Variants in AGAP1 observed in about 807,000 individuals in gnomAD.
The protein encoded by AGAP1 is arf-GAP with GTPase, ANK repeat and PH domain-containing protein 1.
In AGAP1, 29 loss-of-function variants were observed where a neutral mutation model predicts 105.3. The observed-to-expected ratio is 0.28, with a 90% CI of 0.21 to 0.38. AGAP1 has a LOEUF of 0.38. Ranked by LOEUF, AGAP1 falls within the 10% of genes least tolerant of loss-of-function variation. The pLI, the probability that AGAP1 is intolerant of heterozygous loss-of-function variation, is 1.00. For synonymous variants in AGAP1, 509 were observed against 485.9 expected (o/e 1.05, Z -0.63); for missense variants, 998 against 1,165.1 (o/e 0.86, Z 2.09).
chr2:235,569,745 T>C lies in AGAP1; in HGVS notation c.163+74896T>C, dbSNP rs374737899. Among the ~76,000 whole-genome samples the C allele has an allele frequency of 9.8e-5, 15 of 152,328 alleles. No homozygotes were observed. The South Asian group carries it at 3.1e-3, about 32-fold the overall frequency. ...CTCACAGGAGATGCAGGTCTTTCTATGGAACCTGTAGGTTCTGAGACCGAG... is the reference window on the plus strand; with the variant it reads ...CTCACAGGAGATGCAGGTCTTTCTACGGAACCTGTAGGTTCTGAGACCGAG... On this transcript the variant is annotated intron_variant, in intron 1 of 17. Transcript: ENST00000304032. The surrounding 1 kb of genome is among the most constrained non-coding windows in gnomAD (Gnocchi z 5.9).
intron 16 of AGAP1, among the ~76,000 whole-genome samples, chr2:236,093,060 T>C (rs2059104353): frequency 6.6e-6 from 1 of 152,150 alleles, no homozygotes; most frequent in Non-Finnish European, 1.5e-5. Flanking sequence ...AGAAAGGCAG[T>C]GGGGGAGAAG....
intron 1 of AGAP1, among the ~76,000 whole-genome samples, chr2:235,634,075 C>T (rs1946915258): frequency 6.6e-6 from 1 of 152,118 alleles, no homozygotes. Flanking sequence ...CTTGGGTGGG[C>T]GGGGCCCACA....
chr2:235,598,622 A>G (rs967761249), intron 1 of AGAP1, among the ~76,000 whole-genome samples: 1 of 152,230 alleles, frequency 6.6e-6, no homozygotes, highest in Non-Finnish European at 1.5e-5. Context: ...ATTCAAGTAT[A>G]AACTCAGAAT....
chr2:235,649,532 C>G (rs935774957), intron 1 of AGAP1, among the ~76,000 whole-genome samples: 3 of 152,142 alleles, frequency 2.0e-5, no homozygotes, highest in African/African-American at 7.2e-5. Context: ...CATCTCTACA[C>G]TCAGCACATT....
At chr2:235,503,344 T>G (rs1941647153) in intron 1 of AGAP1, among the ~76,000 whole-genome samples, 1 of 152,152 alleles carries the variant, frequency 6.6e-6, no homozygotes, top group Non-Finnish European at 1.5e-5. Flanking sequence ...TTCGAAGGTC[T>G]GGGGTGCTGC....
In AGAP1 at chr2:235,725,244, G is replaced by C. The variant is rs1951587847; in HGVS notation, c.310+7600G>C. Among the ~76,000 whole-genome samples, 1 of 152,166 alleles carries C rather than the reference G, an allele frequency of 6.6e-6. No homozygotes were observed. Among genetic ancestry groups the C allele is most frequent in the African/African-American group, 2.4e-5 (1 of 41,446 alleles). ...TCAGGACTGCCTAGAATTGTTTCCT[G>C]TCATCGGGGTAGTAAATGTGTTCTC... is the stretch of plus-strand genomic sequence containing the variant. On this transcript the variant is annotated intron_variant, in intron 3 of 17. Transcript: ENST00000304032. The surrounding 1 kb of genome is among the most constrained non-coding windows in gnomAD (Gnocchi z 5.7).
intron 13 of AGAP1, among the ~76,000 whole-genome samples, chr2:236,017,622 A>C (rs2125587440): frequency 6.6e-6 from 1 of 152,322 alleles, no homozygotes; most frequent in South Asian, 2.1e-4. Flanking sequence ...TTCAGGAATA[A>C]GAGGAGACCA....
rs2057382251 is a variant in AGAP1, at chr2:236,036,386, G to T, written c.1646-175G>T. On this transcript the variant is annotated intron_variant, in intron 13 of 17. Coordinates refer to ENST00000304032, the MANE Select transcript of AGAP1 (RefSeq NM_001037131.3). This position sits in a 1 kb window ranked among gnomAD's most constrained non-coding sequence, Gnocchi z 5.7. Reference sequence around the variant, plus strand: ...ATGCTGGCCTTAGGAACCACATCTGGACTGTTGGGAGGTGCATGGATTCAA... The same window carrying T: ...ATGCTGGCCTTAGGAACCACATCTGTACTGTTGGGAGGTGCATGGATTCAA... 6.6e-6 allele frequency among the ~76,000 whole-genome samples: 1 copy of T among 152,164 alleles called. No individual in the cohort carries two copies. Among genetic ancestry groups the T allele is most frequent in the South Asian group, 2.1e-4 (1 of 4,824 alleles).
intron 8 of AGAP1, 53 bp from the exon 9 acceptor site, chr2:235,807,186 C>CGGGG: frequency 6.4e-7 from 1 of 1,553,766 alleles, no homozygotes. Flanking sequence ...GGCAGAGCCC[C>CGGGG]GTCTGTGAAC....
intron 1 of AGAP1, among the ~76,000 whole-genome samples, chr2:235,520,780 G>C (rs1325415753): frequency 1.3e-5 from 2 of 152,114 alleles, no homozygotes; most frequent in African/African-American, 4.8e-5. Flanking sequence ...ACAAGTTTTG[G>C]TTTAGTAGAC....
intron 13 of AGAP1, among the ~76,000 whole-genome samples, chr2:236,030,632 C>T (rs1169404754): frequency 1.3e-5 from 2 of 152,106 alleles, no homozygotes; most frequent in South Asian, 2.1e-4. Context: ...AGTTTCACCT[C>T]GTGTATTTGA....
At chr2:235,711,377 A>G (rs577909137) in intron 2 of AGAP1, among the ~76,000 whole-genome samples, 17 of 152,364 alleles carry the variant, frequency 1.1e-4, no homozygotes, top group Middle Eastern at 3.4e-3. Context: ...ATACCAGCCC[A>G]TAATCGAGGA....
chr2:235,528,173 T>C (rs1452449851), intron 1 of AGAP1, among the ~76,000 whole-genome samples: 1 of 152,128 alleles, frequency 6.6e-6, no homozygotes, highest in Non-Finnish European at 1.5e-5. Context: ...GTTTTACCAA[T>C]TTACCCTCTA....
At chr2:235,946,726 A>G (rs984020240) in intron 12 of AGAP1, among the ~76,000 whole-genome samples, 1 of 152,154 alleles carries the variant, frequency 6.6e-6, no homozygotes, top group African/African-American at 2.4e-5. Context: ...GTAGCTTGGA[A>G]AGCTGGCCAT....
chr2:235,982,421 T>C lies in AGAP1; in HGVS notation c.1645+13798T>C, dbSNP rs1402238155. 6.6e-6 allele frequency among the ~76,000 whole-genome samples: 1 copy of C among 152,010 alleles called. No homozygotes were observed. Among genetic ancestry groups the C allele is most frequent in the Non-Finnish European group, 1.5e-5 (1 of 68,008 alleles). ...ACCGTGGGGACATCAGCTGGGAGGG[T>C]CATAGCTAGGAGGTCAGAAGGAAGG... On this transcript the variant is annotated intron_variant, in intron 13 of 17. Transcript: ENST00000304032. The surrounding 1 kb of genome is among the most constrained non-coding windows in gnomAD (Gnocchi z 4.9).
chr2:235,826,387 C>T (rs1415769151), intron 9 of AGAP1, among the ~76,000 whole-genome samples: 1 of 152,196 alleles, frequency 6.6e-6, no homozygotes, highest in Non-Finnish European at 1.5e-5. Context: ...TTTGCAGGTT[C>T]ATTCTTTCTA....
At chr2:235,975,480 G>C (rs1050944161) in intron 13 of AGAP1, among the ~76,000 whole-genome samples, 3 of 152,182 alleles carry the variant, frequency 2.0e-5, no homozygotes, top group African/African-American at 7.2e-5. Flanking sequence ...CCGTGATTGG[G>C]AGGGCAGTGT....
At chr2:236,094,976 G>A (rs981422238) in intron 16 of AGAP1, among the ~76,000 whole-genome samples, 15 of 150,654 alleles carry the variant, frequency 1.0e-4, no homozygotes, top group Non-Finnish European at 2.2e-4. Flanking sequence ...GCGCATGCCT[G>A]TGGTCCCAGC....
Position 236,062,382 on chromosome 2 carries a change from G to A in AGAP1, c.2114+13101G>A, listed in dbSNP as rs995003401. Among the ~76,000 whole-genome samples, 1 of 152,170 alleles carries A rather than the reference G, an allele frequency of 6.6e-6. No individual in the cohort carries two copies. The highest frequency in any genetic ancestry group is 1.5e-5 in the Non-Finnish European group (1 of 68,030). ...GAAGCCATGGCCAGAGGGGAGGGGAGGGAGGCAGAGCCAGGCTGGTATGGG... is the reference window on the plus strand; with the variant it reads ...GAAGCCATGGCCAGAGGGGAGGGGAAGGAGGCAGAGCCAGGCTGGTATGGG... On this transcript the variant is annotated intron_variant, in intron 16 of 17. Coordinates refer to ENST00000304032, the MANE Select transcript of AGAP1 (RefSeq NM_001037131.3). This position sits in a 1 kb window ranked among gnomAD's most constrained non-coding sequence, Gnocchi z 4.2.
Sources: allele counts gnomAD v4.1 joint callset (sites outside exome capture counted in the v4.1 genomes callset), GRCh38; gene constraint gnomAD v4.1.1; non-coding constraint Gnocchi (gnomAD v3.1); transcripts MANE v1.5; gene names NCBI Gene and HGNC (gene_info 2026-07-23, HGNC 2026-07-21).